PLXDC2: variants seen among roughly 807,000 people sequenced by gnomAD.
The protein encoded by PLXDC2 is plexin domain-containing protein 2.
PLXDC2 carries 40 observed loss-of-function variants against 68.9 expected under a neutral mutation model. The observed-to-expected ratio is 0.58, with a 90% CI of 0.45 to 0.76. The LOEUF (loss-of-function observed/expected upper bound fraction) is 0.76. Ranked by LOEUF, PLXDC2 falls within the 30% of genes least tolerant of loss-of-function variation. The pLI is 0.00. For synonymous variants in PLXDC2, 243 were observed against 234.2 expected (o/e 1.04, Z -0.34); for missense variants, 644 against 661.9 (o/e 0.97, Z 0.30).
intron 4 of PLXDC2, among the ~76,000 whole-genome samples, chr10:20,139,918 G>T (rs2131786543): frequency 6.6e-6 from 1 of 152,234 alleles, no homozygotes; most frequent in Non-Finnish European, 1.5e-5. Context: ...ACGCATTGAT[G>T]GGTGCAGCAA....
intron 4 of PLXDC2, among the ~76,000 whole-genome samples, chr10:20,140,157 G>A (rs1056282345): frequency 7.9e-5 from 12 of 151,780 alleles, no homozygotes; most frequent in Non-Finnish European, 1.5e-4. Flanking sequence ...AAAATTAGCC[G>A]GGCGTGGTGG....
intron 9 of PLXDC2, among the ~76,000 whole-genome samples, chr10:20,189,568 TACAC>T (rs57907695): frequency 6.9e-6 from 1 of 145,306 alleles, no homozygotes; most frequent in African/African-American, 2.5e-5. Context: ...TATATATATA[TACAC>T]ATATATATAA....
chr10:20,142,330 A>G (rs2131789857), intron 4 of PLXDC2, among the ~76,000 whole-genome samples: 1 of 152,192 alleles, frequency 6.6e-6, no homozygotes, highest in Non-Finnish European at 1.5e-5. Flanking sequence ...TTTGCCTTGC[A>G]TTTTATTTGT....
intron 1 of PLXDC2, among the ~76,000 whole-genome samples, chr10:19,930,779 A>C (rs1385333336): frequency 6.6e-6 from 1 of 152,102 alleles, no homozygotes; most frequent in Non-Finnish European, 1.5e-5. Context: ...CCTGACCAAC[A>C]AGGTGAAATC....
intron 10 of PLXDC2, among the ~76,000 whole-genome samples, chr10:20,213,254 G>A (rs1214154687): frequency 2.0e-5 from 3 of 151,986 alleles, no homozygotes; most frequent in Non-Finnish European, 4.4e-5. Context: ...TAGAGATTCA[G>A]TTTCGTGGGG....
chr10:19,892,598 A>G (rs1837984395), intron 1 of PLXDC2, among the ~76,000 whole-genome samples: 1 of 152,222 alleles, frequency 6.6e-6, no homozygotes. Context: ...TAACTCAGAT[A>G]GTTCCTATGA....
chr10:19,886,825 A>G (rs747936562), intron 1 of PLXDC2, among the ~76,000 whole-genome samples: 1 of 152,212 alleles, frequency 6.6e-6, no homozygotes, highest in Non-Finnish European at 1.5e-5. Context: ...CTGAAAAGAA[A>G]AAACTTAGAA....
chr10:19,818,477 A>C (rs924091618), intron 1 of PLXDC2, among the ~76,000 whole-genome samples: 3 of 152,086 alleles, frequency 2.0e-5, no homozygotes, highest in Non-Finnish European at 4.4e-5. Context: ...ACTGTTCTAG[A>C]TAAAGCACAG....
Position 20,143,425 on chromosome 10 carries a change from T to A in PLXDC2, c.664+8T>A, listed in dbSNP as rs1834032466. ...TCAGATATTTTGATAATGGTATGTG[T>A]TGAGTAGCCTATTTTTTGCTGCATG... On this transcript the variant is annotated splice_region_variant and intron_variant, in intron 5 of 13. Coordinates refer to ENST00000377252, the MANE Select transcript of PLXDC2 (RefSeq NM_032812.9). The A allele has an allele frequency of 1.9e-6, 3 of 1,611,752 alleles. No individual in the cohort carries two copies. The highest frequency in any genetic ancestry group is 2.5e-6 in the Non-Finnish European group (3 of 1,178,970).
intron 9 of PLXDC2, among the ~76,000 whole-genome samples, chr10:20,206,808 A>G (rs952786615): frequency 1.3e-5 from 2 of 151,888 alleles, no homozygotes; most frequent in African/African-American, 2.4e-5. Flanking sequence ...TTGGAAAACA[A>G]TGTGCTGGAT....
chr10:19,818,094 A>G (rs1249130619), intron 1 of PLXDC2, among the ~76,000 whole-genome samples: 3 of 152,078 alleles, frequency 2.0e-5, no homozygotes, highest in Non-Finnish European at 2.9e-5. Context: ...CTTGGCAGAA[A>G]TTGGTGAACT....
rs959883219 is a variant in PLXDC2, at chr10:19,975,146, A to G, written c.113-26629A>G. ...TGCTAGCTCTGGTTTTTCACCTTTA[A>G]TAATTATCTCTTAAAACACAGCAGA... On this transcript the variant is annotated intron_variant, in intron 1 of 13. Transcript: ENST00000377252. Among the ~76,000 whole-genome samples, 9 of 152,110 alleles carry G rather than the reference A, an allele frequency of 5.9e-5. No homozygotes were observed. In the South Asian group the frequency reaches 1.2e-3, roughly 21 times the overall value.
rs981379110 is a variant in PLXDC2, at chr10:20,284,724, C to G, written c.*4905C>G. The G allele has an allele frequency of 2.0e-5, 3 of 152,234 alleles. No individual in the cohort carries two copies. The East Asian group carries it at 5.8e-4, about 29-fold the overall frequency. The allele number at this position is 152,234 out of a possible 1,614,324, so 9.4% of individuals were successfully genotyped here. ...GGGTCTTGAACTTAAATGTTTGTTT[C>G]AGTTCTCATTGCCTTCATCTCTTAA... On this transcript the variant is annotated 3_prime_UTR_variant, in exon 14 of 14. Transcript: ENST00000377252.
chr10:20,013,868 G>A (rs1835158024), intron 2 of PLXDC2, among the ~76,000 whole-genome samples: 1 of 152,070 alleles, frequency 6.6e-6, no homozygotes, highest in Non-Finnish European at 1.5e-5. Context: ...GAGTAAATGA[G>A]GTTAATCTTC....
At chr10:20,027,865 G>A (rs898446671) in intron 2 of PLXDC2, among the ~76,000 whole-genome samples, 1 of 152,122 alleles carries the variant, frequency 6.6e-6, no homozygotes, top group African/African-American at 2.4e-5. Context: ...TCTGGACACA[G>A]CCTACTTTAC....
At chr10:20,240,213 G>A (rs935200361) in intron 12 of PLXDC2, among the ~76,000 whole-genome samples, 5 of 152,122 alleles carry the variant, frequency 3.3e-5, no homozygotes, top group Non-Finnish European at 5.9e-5. Context: ...AGTTTGCTTA[G>A]GACAACGGCC....
At chr10:19,901,137 G>T (rs1026745195) in intron 1 of PLXDC2, among the ~76,000 whole-genome samples, 1 of 151,988 alleles carries the variant, frequency 6.6e-6, no homozygotes, top group Non-Finnish European at 1.5e-5. Flanking sequence ...CTATAAACAT[G>T]TGTGTGCCAG....
chr10:19,846,955 G>A (rs573076089), intron 1 of PLXDC2, among the ~76,000 whole-genome samples: 36 of 152,262 alleles, frequency 2.4e-4, no homozygotes, highest in African/African-American at 8.2e-4. Context: ...GCAAGAGAGA[G>A]CGTGTGCAGG....
At chr10:20,231,836 C>A (rs1051483107) in intron 12 of PLXDC2, among the ~76,000 whole-genome samples, 1 of 151,586 alleles carries the variant, frequency 6.6e-6, no homozygotes, top group Non-Finnish European at 1.5e-5. Flanking sequence ...GCTAACATAG[C>A]GAGACTCTGT....
Sources: allele counts gnomAD v4.1 joint callset (sites outside exome capture counted in the v4.1 genomes callset), GRCh38; gene constraint gnomAD v4.1.1; transcripts MANE v1.5; gene names NCBI Gene and HGNC (gene_info 2026-07-23, HGNC 2026-07-21).